GALNT7: variants seen among roughly 807,000 people sequenced by gnomAD.
The protein encoded by GALNT7 is polypeptide N-acetylgalactosaminyltransferase 7.
A neutral mutation model predicts 82.1 loss-of-function variants in GALNT7; 60 were observed. The observed-to-expected ratio is 0.73, with a 90% CI of 0.59 to 0.91. GALNT7 has a LOEUF of 0.91. GALNT7 is among the 40% of genes least tolerant of loss of function. GALNT7 has a pLI of 0.00. For synonymous variants in GALNT7, 243 were observed against 275.1 expected, an observed-to-expected ratio of 0.88 and a Z score of 1.15; for missense variants, 660 against 804.2, an observed-to-expected ratio of 0.82 and a Z score of 2.17.
At chr4:173,312,372 C>G (rs755000315) in intron 8 of GALNT7, among the ~76,000 whole-genome samples, 4 of 152,190 alleles carry the variant, frequency 2.6e-5, no homozygotes, top group African/African-American at 9.7e-5. Context: ...GGGGAATGCA[C>G]ATGTGCAAAG....
At chr4:173,198,184 C>T (rs534689108) in intron 1 of GALNT7, among the ~76,000 whole-genome samples, 6 of 151,448 alleles carry the variant, frequency 4.0e-5, no homozygotes, top group African/African-American at 1.5e-4. Flanking sequence ...CTCAGCCTCC[C>T]AAGTAGCTGG....
intron 1 of GALNT7, among the ~76,000 whole-genome samples, chr4:173,179,644 T>A (rs1732183797): frequency 6.6e-6 from 1 of 152,246 alleles, no homozygotes; most frequent in South Asian, 2.1e-4. Flanking sequence ...TAATGTAGTA[T>A]GAAGAGACCC....
Position 173,183,688 on chromosome 4 carries a change from C to T in GALNT7, c.126+14727C>T, listed in dbSNP as rs556498614. 3.9e-3 allele frequency among the ~76,000 whole-genome samples: 589 copies of T among 151,888 alleles called. 1 individual carries two copies. The highest frequency in any genetic ancestry group is 0.012 in the African/African-American group (503 of 41,440). ...GGGTACACCTCCCAGACGGGGCGGC[C>T]GGGCAGAAGCGCCCCCCCACCTCCC... On this transcript the variant is annotated intron_variant, in intron 1 of 11. Coordinates refer to ENST00000265000, the MANE Select transcript of GALNT7 (RefSeq NM_017423.3).
At chr4:173,297,249 GT>G (rs1561194467) in intron 5 of GALNT7, among the ~76,000 whole-genome samples, 1 of 124,196 alleles carries the variant, frequency 8.1e-6, no homozygotes, top group African/African-American at 3.2e-5. Context: ...TTTTTTTTTT[GT>G]TTGTTTTGCA....
chr4:173,299,291 T>A (rs1736831197), intron 6 of GALNT7, among the ~76,000 whole-genome samples: 1 of 152,034 alleles, frequency 6.6e-6, no homozygotes, highest in Non-Finnish European at 1.5e-5. Flanking sequence ...ATTTACCAAA[T>A]TTTTTTTGGT....
At chr4:173,301,899 T>TACA in intron 6 of GALNT7, 148 bp from the exon 7 acceptor site, 1 of 560,074 alleles carries the variant, frequency 1.8e-6, no homozygotes, top group Non-Finnish European at 3.2e-6. Flanking sequence ...TCTTTTTTTG[T>TACA]AAAGGCTTTA....
At chr4:173,304,182 G>T in intron 8 of GALNT7, 64 bp downstream of exon 8, 1 of 1,416,308 alleles carries the variant, frequency 7.1e-7, no homozygotes, top group Non-Finnish European at 9.7e-7. Context: ...TGCTATAGTA[G>T]TTACTTAACA....
chr4:173,247,563 G>A (rs1026768793), intron 1 of GALNT7, among the ~76,000 whole-genome samples: 5 of 151,968 alleles, frequency 3.3e-5, no homozygotes, highest in African/African-American at 7.3e-5. Context: ...TTGTGCTACC[G>A]ACAAAAGGTT....
intron 9 of GALNT7, among the ~76,000 whole-genome samples, chr4:173,314,757 T>C (rs1737530288): frequency 6.6e-6 from 1 of 152,216 alleles, no homozygotes; most frequent in Non-Finnish European, 1.5e-5. Context: ...GACATTGTCA[T>C]TTCTTTGTTT....
rs141262441 is a variant in GALNT7 at position 173,323,595 on chromosome 4, C to T, written c.*1878C>T. 3 of 152,564 alleles carry T rather than the reference C, an allele frequency of 2.0e-5. No individual in the cohort carries two copies. The highest frequency in any genetic ancestry group is 4.4e-5 in the Non-Finnish European group (3 of 67,964). The allele number at this position is 152,564 out of a possible 1,614,324, so 9.5% of individuals were successfully genotyped here. A position where few individuals can be genotyped will look rare whatever the true frequency, so the allele number is the denominator to read the frequency against. On this transcript the variant is annotated 3_prime_UTR_variant, in exon 12 of 12. Coordinates refer to ENST00000265000, the MANE Select transcript of GALNT7 (RefSeq NM_017423.3). ...CTAAGAAAGGTGGCAATGAACTGTGCATGTAAATTTTAAATGGGTACTTTG... is the reference window on the plus strand; with the variant it reads ...CTAAGAAAGGTGGCAATGAACTGTGTATGTAAATTTTAAATGGGTACTTTG...
At chr4:173,307,684 G>A (rs192026282) in intron 8 of GALNT7, among the ~76,000 whole-genome samples, 200 of 152,286 alleles carry the variant, frequency 1.3e-3, no homozygotes, top group African/African-American at 4.7e-3. Flanking sequence ...CACAATAAAG[G>A]CGTGGCTCTG....
intron 2 of GALNT7, among the ~76,000 whole-genome samples, chr4:173,252,587 AT>A (rs1734887345): frequency 1.3e-5 from 2 of 152,164 alleles, no homozygotes; most frequent in South Asian, 4.1e-4. Flanking sequence ...TTGGCTGTTG[AT>A]TGCGTGTTAA....
chr4:173,286,770 C>G (rs1184094333), intron 2 of GALNT7, among the ~76,000 whole-genome samples: 1 of 152,170 alleles, frequency 6.6e-6, no homozygotes, highest in Non-Finnish European at 1.5e-5. Context: ...TCCAGGTACA[C>G]ACAGTCTGCA....
At chr4:173,208,574 G>A (rs1733172370) in intron 1 of GALNT7, among the ~76,000 whole-genome samples, 1 of 150,986 alleles carries the variant, frequency 6.6e-6, no homozygotes, top group Non-Finnish European at 1.5e-5. Context: ...ATTTCCAGGA[G>A]TTTCTTCTTC....
Position 173,292,100 on chromosome 4 carries a change from C to T in GALNT7, c.588-8C>T, listed in dbSNP as rs1345254824. The T allele has an allele frequency of 6.3e-7, 1 of 1,591,722 alleles. No homozygotes were observed. Among genetic ancestry groups the T allele is most frequent in the Admixed American group, 1.7e-5 (1 of 58,332 alleles). ...GTAAATAAATATGATGAAATTTTCT[C>T]TTTACAGATGCAAGTATTGGCATTA... On this transcript the variant is annotated splice_polypyrimidine_tract_variant and splice_region_variant and intron_variant, in intron 2 of 11. Coordinates refer to ENST00000265000, the MANE Select transcript of GALNT7 (RefSeq NM_017423.3). The surrounding 1 kb of genome is among the most constrained non-coding windows in gnomAD (Gnocchi z 4.8).
chr4:173,227,935 T>G (rs1227826530), intron 1 of GALNT7, among the ~76,000 whole-genome samples: 1 of 152,168 alleles, frequency 6.6e-6, no homozygotes, highest in Non-Finnish European at 1.5e-5. Flanking sequence ...AGCCTAGTCA[T>G]TTTGTGGCCA....
At position 173,263,336 on chromosome 4, in the gene GALNT7, T is replaced by C. The variant is rs572159717; in HGVS notation, c.587+14896T>C. On this transcript the variant is annotated intron_variant, in intron 2 of 11. Coordinates refer to ENST00000265000, the MANE Select transcript of GALNT7 (RefSeq NM_017423.3). ...TAAAGTAAAATTTAATCTCTTATACTTGATTTACTGGTAATTTCAGAGATT... is the reference window on the plus strand; with the variant it reads ...TAAAGTAAAATTTAATCTCTTATACCTGATTTACTGGTAATTTCAGAGATT... 7.9e-4 allele frequency among the ~76,000 whole-genome samples: 120 copies of C among 152,356 alleles called. 1 individual carries two copies. Among genetic ancestry groups the C allele is most frequent in the Admixed American group, 2.1e-3 (32 of 15,308 alleles).
At position 173,244,967 on chromosome 4, in the gene GALNT7, T is replaced by C. The variant is rs1734569791; in HGVS notation, c.127-3013T>C. ...TGAGGTGAATGATAGGTTCAGTTTT[T>C]GGTATGTTAAATTTAGGTACTAGAG... is the stretch of plus-strand genomic sequence containing the variant. On this transcript the variant is annotated intron_variant, in intron 1 of 11. Transcript: ENST00000265000. Among the ~76,000 whole-genome samples the C allele has an allele frequency of 2.0e-5, 3 of 152,160 alleles. No individual in the cohort carries two copies. The South Asian group carries it at 6.2e-4, about 32-fold the overall frequency.
At chr4:173,187,196 G>A (rs1162541384) in intron 1 of GALNT7, among the ~76,000 whole-genome samples, 3 of 152,128 alleles carry the variant, frequency 2.0e-5, no homozygotes, top group Non-Finnish European at 4.4e-5. Context: ...AGCTATTGGT[G>A]TATTTCTTGC....
Sources: allele counts gnomAD v4.1 joint callset (sites outside exome capture counted in the v4.1 genomes callset), GRCh38; gene constraint gnomAD v4.1.1; non-coding constraint Gnocchi (gnomAD v3.1); transcripts MANE v1.5; gene names NCBI Gene and HGNC (gene_info 2026-07-23, HGNC 2026-07-21).